The following XYLT1 variants were observed in gnomAD, a reference collection of about 807,000 sequenced individuals.
XYLT1 encodes xylosyltransferase 1, also known as beta-D-xylosyltransferase 1.
A neutral mutation model predicts 91.3 loss-of-function variants in XYLT1; 36 were observed. The ratio of observed to expected loss-of-function variants is 0.39; its 90% CI spans 0.30 to 0.52. The LOEUF (loss-of-function observed/expected upper bound fraction) is 0.52. Among genes scored for constraint, XYLT1 ranks in the 20% least tolerant of loss-of-function variants. XYLT1 has a pLI of 0.68. For synonymous variants in XYLT1, 588 were observed against 532.0 expected (o/e 1.11, Z -1.45); for missense variants, 1,242 against 1,284.5 (o/e 0.97, Z 0.51).
chr16:17,223,197 A>T (rs1433824045), intron 3 of XYLT1, among the ~76,000 whole-genome samples: 5 of 152,206 alleles, frequency 3.3e-5, no homozygotes, highest in Non-Finnish European at 5.9e-5. Context: ...TCCCTGTCAG[A>T]TGCACAGTCG....
intron 1 of XYLT1, among the ~76,000 whole-genome samples, chr16:17,358,755 C>T (rs753686644): frequency 1.3e-5 from 2 of 152,078 alleles, no homozygotes; most frequent in African/African-American, 2.4e-5. Context: ...AGGAATAAAC[C>T]AGAAAGAATA....
At chr16:17,417,396 C>T (rs529162868) in intron 1 of XYLT1, among the ~76,000 whole-genome samples, 1 of 152,232 alleles carries the variant, frequency 6.6e-6, no homozygotes, top group Non-Finnish European at 1.5e-5. Flanking sequence ...TTTTGCAGTC[C>T]TGCCCCAGGA....
At position 17,106,547 on chromosome 16, in the gene XYLT1, T is replaced by A. The variant is rs1277049112; in HGVS notation, c.*2148A>T. On this transcript the variant is annotated 3_prime_UTR_variant, in exon 12 of 12. Transcript: ENST00000261381. ...TGGATCTCTCTCAAAGGAGCCTGTT[T>A]CCCTCTGTTAAGGTCGCATGAATGC... The A allele has an allele frequency of 6.6e-6, 1 of 152,244 alleles. No homozygotes were observed. The highest frequency in any genetic ancestry group is 1.5e-5 in the Non-Finnish European group (1 of 68,076). 9.4% of individuals were successfully genotyped at this position (152,244 alleles called of 1,614,324 possible).
rs530349312 is a variant in XYLT1 at position 17,109,543 on chromosome 16, CA to C, written c.2558-527del. On this transcript the variant is annotated intron_variant, in intron 11 of 11. Coordinates refer to ENST00000261381, the MANE Select transcript of XYLT1 (RefSeq NM_022166.4). The stretch of plus-strand genomic sequence containing the variant: ...CAGGCAGTGATAAGTGTCATGAAGG[CA>C]AAAAAACAGGGTATTGAGACAAGAG... Among the ~76,000 whole-genome samples the C allele has an allele frequency of 1.6e-3, 244 of 151,958 alleles. 1 individual carries two copies. Among genetic ancestry groups the C allele is most frequent in the Admixed American group, 1.4e-3 (21 of 15,272 alleles).
intron 1 of XYLT1, among the ~76,000 whole-genome samples, chr16:17,443,800 C>T (rs1316454136): frequency 6.6e-6 from 1 of 152,224 alleles, no homozygotes; most frequent in African/African-American, 2.4e-5. Context: ...CCAATCCAAA[C>T]TGCTTTGCAC....
intron 2 of XYLT1, among the ~76,000 whole-genome samples, chr16:17,324,616 T>G (rs1356270530): frequency 2.6e-5 from 4 of 152,228 alleles, no homozygotes; most frequent in Admixed American, 2.0e-4. Flanking sequence ...GTGCACACAG[T>G]GAGAAACCCT....
chr16:17,327,413 A>G (rs1228425847), intron 2 of XYLT1, among the ~76,000 whole-genome samples: 1 of 133,272 alleles, frequency 7.5e-6, no homozygotes, highest in African/African-American at 2.9e-5. Flanking sequence ...CCCAGGCTGG[A>G]GTGCAGTGGC....
At chr16:17,269,667 C>T (rs2033857398) in intron 2 of XYLT1, among the ~76,000 whole-genome samples, 2 of 152,198 alleles carry the variant, frequency 1.3e-5, no homozygotes, top group Admixed American at 6.5e-5. Context: ...TCATAAACAG[C>T]AGTTAGCAAA....
Position 17,326,339 on chromosome 16 carries a change from C to T in XYLT1, c.402+31673G>A, listed in dbSNP as rs146012941. Among the ~76,000 whole-genome samples the T allele has an allele frequency of 6.9e-3, 1,057 of 152,300 alleles. 3 individuals carry two copies. The highest frequency in any genetic ancestry group is 0.012 in the Non-Finnish European group (808 of 68,026). ...TTCCTCTCCCCCATCCCGTGGTAAC[C>T]ATTCTTTTATCCATCCTCCTGTGAT... is the stretch of plus-strand genomic sequence containing the variant. On this transcript the variant is annotated intron_variant, in intron 2 of 11. Coordinates refer to ENST00000261381, the MANE Select transcript of XYLT1 (RefSeq NM_022166.4).
intron 1 of XYLT1, among the ~76,000 whole-genome samples, chr16:17,379,540 G>A (rs1027849437): frequency 1.3e-5 from 2 of 152,134 alleles, no homozygotes; most frequent in African/African-American, 4.8e-5. Context: ...GTGGTGGGTG[G>A]GAGCAGGATC....
chr16:17,311,024 A>G (rs929107754), intron 2 of XYLT1, among the ~76,000 whole-genome samples: 3 of 152,188 alleles, frequency 2.0e-5, no homozygotes, highest in African/African-American at 7.2e-5. Context: ...CCTCCTTTCC[A>G]GCTCACACGC....
At chr16:17,462,313 TC>T (rs1284092477) in intron 1 of XYLT1, among the ~76,000 whole-genome samples, 7 of 152,106 alleles carry the variant, frequency 4.6e-5, no homozygotes, top group Non-Finnish European at 1.0e-4. Context: ...TGAGAATGGG[TC>T]CCACCCCTTC....
At chr16:17,123,596 T>C (rs774154853) in intron 10 of XYLT1, among the ~76,000 whole-genome samples, 1 of 152,236 alleles carries the variant, frequency 6.6e-6, no homozygotes, top group African/African-American at 2.4e-5. Context: ...GCCTATCATA[T>C]GGTCTATCTT....
intron 2 of XYLT1, among the ~76,000 whole-genome samples, chr16:17,334,698 A>G (rs1023336294): frequency 6.6e-6 from 1 of 152,132 alleles, no homozygotes; most frequent in Non-Finnish European, 1.5e-5. Context: ...CCTGGCTAAC[A>G]TGGTGAAATC....
chr16:17,248,740 T>C (rs957318043), intron 3 of XYLT1, among the ~76,000 whole-genome samples: 2 of 144,838 alleles, frequency 1.4e-5, no homozygotes, highest in African/African-American at 5.3e-5. Flanking sequence ...CAATTTTACA[T>C]GTGAATTTTT....
chr16:17,193,906 G>A (rs2141582726), intron 5 of XYLT1: 1 of 152,382 alleles, frequency 6.6e-6, no homozygotes, highest in Admixed American at 6.5e-5. Context: ...GGCTGGCAAA[G>A]AAGAGTGGGC....
chr16:17,351,319 C>T (rs1269231297), intron 2 of XYLT1, among the ~76,000 whole-genome samples: 1 of 152,022 alleles, frequency 6.6e-6, no homozygotes, highest in Non-Finnish European at 1.5e-5. Flanking sequence ...TCGAGAACAG[C>T]CTGGCCGACA....
intron 2 of XYLT1, chr16:17,354,608 A>AGAAG (rs1228601926): frequency 1.3e-5 from 2 of 152,272 alleles, no homozygotes; most frequent in Non-Finnish European, 2.9e-5. Flanking sequence ...GCTGGGCTCA[A>AGAAG]GATGGAGCAG....
At chr16:17,371,221 T>A (rs898457588) in intron 1 of XYLT1, among the ~76,000 whole-genome samples, 1 of 152,228 alleles carries the variant, frequency 6.6e-6, no homozygotes, top group Non-Finnish European at 1.5e-5. Context: ...CAGCCCCTGC[T>A]ACATACTTTT....
Sources: allele counts gnomAD v4.1 joint callset (sites outside exome capture counted in the v4.1 genomes callset), GRCh38; gene constraint gnomAD v4.1.1; transcripts MANE v1.5; gene names NCBI Gene and HGNC (gene_info 2026-07-23, HGNC 2026-07-21).